Variants in RABGGTA observed in about 807,000 individuals in gnomAD.
RABGGTA encodes geranylgeranyl transferase type-2 subunit alpha.
RABGGTA carries 69 observed loss-of-function variants against 83.3 expected under a neutral mutation model. That is an observed-to-expected ratio of 0.83 (90% CI 0.68 to 1.01). RABGGTA has a LOEUF of 1.01. Among genes scored for constraint, RABGGTA ranks in the 50% least tolerant of loss-of-function variants. The probability of loss-of-function intolerance (pLI) is 0.00; values close to 1 mark genes in which losing one functional copy is unlikely to be tolerated. For synonymous variants in RABGGTA, 310 were observed against 299.8 expected, an observed-to-expected ratio of 1.03 and a Z score of -0.35; for missense variants, 681 against 712.7, an observed-to-expected ratio of 0.96 and a Z score of 0.51.
chr14:24,271,269 T>A lies in RABGGTA; in HGVS notation c.-54-100A>T, dbSNP rs955395110. On this transcript the variant is annotated intron_variant, in intron 1 of 16. Coordinates refer to ENST00000216840, the MANE Select transcript of RABGGTA (RefSeq NM_182836.3). ...CGTGCCTGGGCAGAGACCCCCAGAGTGTAAAGAGGTCCTGGGACAGGCTTT... is the reference window on the plus strand; with the variant it reads ...CGTGCCTGGGCAGAGACCCCCAGAGAGTAAAGAGGTCCTGGGACAGGCTTT... 2.2e-5 allele frequency: 21 copies of A among 975,654 alleles called. No individual in the cohort carries two copies. In the African/African-American group the frequency reaches 2.8e-4, roughly 13 times the overall value. The allele number at this position is 975,654 out of a possible 1,614,324, so 60.4% of individuals were successfully genotyped here. A position where few individuals can be genotyped will look rare whatever the true frequency, so the allele number is the denominator to read the frequency against.
At chr14:24,271,263 CCA>C (rs2040947003) in intron 1 of RABGGTA, 94 bp from the exon 2 acceptor site, 1 of 1,083,366 alleles carries the variant, frequency 9.2e-7, no homozygotes, top group African/African-American at 1.6e-5. Flanking sequence ...GCAGAGACCC[CCA>C]GAGTGTAAAG....
At position 24,270,508 on chromosome 14, in the gene RABGGTA, G is replaced by A. The variant is rs1282649207; in HGVS notation, c.115-50C>T. 7 of 1,606,288 alleles carry A rather than the reference G, an allele frequency of 4.4e-6. No homozygotes were observed. In the South Asian group the frequency reaches 7.7e-5, roughly 18 times the overall value. ...GAGATCATATAATTTTCCCACTACA[G>A]GACTAAATAACGTAAACTTAAAACC... On this transcript the variant is annotated intron_variant, in intron 3 of 16. Coordinates refer to ENST00000216840, the MANE Select transcript of RABGGTA (RefSeq NM_182836.3).
rs571818677 is a variant in RABGGTA at position 24,270,245 on chromosome 14, T to G, written c.239+89A>C. The G allele has an allele frequency of 8.9e-6, 14 of 1,570,172 alleles. No homozygotes were observed. The African/African-American group carries it at 1.9e-4, about 21-fold the overall frequency. The stretch of plus-strand genomic sequence containing the variant: ...CCCTACTATCCTCCATCTATGCCAC[T>G]GGCTGCCCCATTTCTCCTCCACCCC... On this transcript the variant is annotated intron_variant, in intron 4 of 16. Transcript: ENST00000216840.
Position 24,268,424 on chromosome 14 carries a change from G to A in RABGGTA, c.1007-4C>T, listed in dbSNP as rs1191462464. 6.2e-7 allele frequency: 1 copy of A among 1,613,780 alleles called. No individual in the cohort carries two copies. Among genetic ancestry groups the A allele is most frequent in the Non-Finnish European group, 8.5e-7 (1 of 1,179,900 alleles). ...CGGCACCAGCCCTCCTGGCGGCCTG[G>A]GGAAAGAGTAGGTGGTTGGAGGGTG... On this transcript the variant is annotated splice_region_variant and splice_polypyrimidine_tract_variant and intron_variant, in intron 10 of 16. Coordinates refer to ENST00000216840, the MANE Select transcript of RABGGTA (RefSeq NM_182836.3).
In RABGGTA at chr14:24,267,756, T is replaced by A; in HGVS notation, c.1257A>T (p.Ala419=). 1 of 1,612,358 alleles carries A rather than the reference T, an allele frequency of 6.2e-7. No individual in the cohort carries two copies. The highest frequency in any genetic ancestry group is 8.5e-7 in the Non-Finnish European group (1 of 1,179,798). The change falls in exon 14 of 17, where the codon GCA becomes GCT. Residue 419 remains alanine, a synonymous_variant. Transcript: ENST00000216840. Reference sequence around the variant, plus strand: ...TGCTGCGCAGGTCATCCAGATACGTTGCCCGCATGGGGTCCACGGCCTGGA... The same window carrying A: ...TGCTGCGCAGGTCATCCAGATACGTAGCCCGCATGGGGTCCACGGCCTGGA... The part of the protein sequence containing the change: ...QTLKAVDPMR[A]TYLDDLRSKF...
intron 3 of RABGGTA, 73 bp from the exon 4 acceptor site, chr14:24,270,531 A>G: frequency 6.4e-7 from 1 of 1,562,128 alleles, no homozygotes; most frequent in Non-Finnish European, 8.8e-7. Flanking sequence ...TAAACTTAAA[A>G]CCATCCAATA....
At position 24,270,152 on chromosome 14, in the gene RABGGTA, A is replaced by T; in HGVS notation, c.240-12T>A. On this transcript the variant is annotated splice_polypyrimidine_tract_variant and intron_variant, in intron 4 of 16. Transcript: ENST00000216840. ...ACTCTTCAGGAGACCTGTACCCAGAAGGGAAGGGGGGGGTCAGGGCTCTCC... is the reference window on the plus strand; with the variant it reads ...ACTCTTCAGGAGACCTGTACCCAGATGGGAAGGGGGGGGTCAGGGCTCTCC... The T allele has an allele frequency of 6.3e-7, 1 of 1,595,132 alleles. No homozygotes were observed. The highest frequency in any genetic ancestry group is 1.8e-5 in the Admixed American group (1 of 55,976).
At position 24,270,372 on chromosome 14, in the gene RABGGTA, G is replaced by A; in HGVS notation, c.201C>T (p.Asn67=). The A allele has an allele frequency of 1.2e-6, 2 of 1,614,018 alleles. No homozygotes were observed. The highest frequency in any genetic ancestry group is 1.7e-6 in the Non-Finnish European group (2 of 1,179,876). Residue 67 remains asparagine, a synonymous_variant, in exon 4 of 17, where the codon AAC becomes AAT. Coordinates refer to ENST00000216840, the MANE Select transcript of RABGGTA (RefSeq NM_182836.3). ...GANPDFATLW[N]CRREVLQQLE... is the part of the protein sequence containing the mutation. ...GCTGCTGGAGCACCTCTCGTCGGCAGTTCCAGAGGGTGGCAAAATCAGGGT... is the reference window on the plus strand; with the variant it reads ...GCTGCTGGAGCACCTCTCGTCGGCAATTCCAGAGGGTGGCAAAATCAGGGT...
chr14:24,268,930 G>C lies in RABGGTA; in HGVS notation c.779C>G (p.Ser260Cys), dbSNP rs368124688. The C allele has an allele frequency of 3.2e-6, 5 of 1,586,682 alleles. No homozygotes were observed. The highest frequency in any genetic ancestry group is 1.2e-5 in the South Asian group (1 of 86,928). ...VSRDEACLTV[S>C]FSRPLLVGSR... ...ACTCACTAAGAGGGGCCGAGAGAAGGAGACAGTCAGACAGGCCTCGTCCCG... is the reference window on the plus strand; with the variant it reads ...ACTCACTAAGAGGGGCCGAGAGAAGCAGACAGTCAGACAGGCCTCGTCCCG... The change falls in exon 8 of 17, where the codon TCC becomes TGC. Residue 260 changes from serine (S) to cysteine (C), a missense_variant. Ser to Cys is a moderately radical substitution (Grantham distance 112). This residue lies in a region of RABGGTA where 421 missense variants were observed against 418.5 expected (regional missense o/e 1.01). Coordinates refer to ENST00000216840, the MANE Select transcript of RABGGTA (RefSeq NM_182836.3).
intron 6 of RABGGTA, 55 bp downstream of exon 6, chr14:24,269,436 G>C: frequency 6.6e-7 from 1 of 1,513,006 alleles, no homozygotes; most frequent in Non-Finnish European, 9.2e-7. Flanking sequence ...GTCAGGCATG[G>C]GGGCTGGAAG....
chr14:24,270,798 G>C (rs1367809022), intron 3 of RABGGTA, 39 bp downstream of exon 3: 2 of 1,598,712 alleles, frequency 1.3e-6, no homozygotes, highest in Admixed American at 3.5e-5. Context: ...CTATACTAAG[G>C]GAGCTACTTG....
chr14:24,268,686 C>A (rs773717077), intron 9 of RABGGTA, 39 bp downstream of exon 9: 2 of 1,606,174 alleles, frequency 1.2e-6, no homozygotes, highest in Admixed American at 3.4e-5. Context: ...CCCAGCCCTG[C>A]CCCAGACCCC....
intron 15 of RABGGTA, 30 bp from the exon 16 acceptor site, chr14:24,266,547 C>A (rs774562280): frequency 6.3e-7 from 1 of 1,598,354 alleles, no homozygotes; most frequent in Non-Finnish European, 8.6e-7. Flanking sequence ...GGAGGCAGGA[C>A]AGGCGCTGTC....
At chr14:24,270,204 C>A in intron 4 of RABGGTA, 64 bp from the exon 5 acceptor site, 3 of 1,557,060 alleles carry the variant, frequency 1.9e-6, no homozygotes, top group Non-Finnish European at 2.6e-6. Flanking sequence ...TCACCCCTCA[C>A]TTTCTGCACC....
intron 16 of RABGGTA, 101 bp from the exon 17 acceptor site, chr14:24,265,864 A>C (rs2040867285): frequency 1.4e-6 from 2 of 1,454,872 alleles, no homozygotes; most frequent in Non-Finnish European, 1.8e-6. Context: ...AGTCTGTTTG[A>C]TGGGCATCTC....
At chr14:24,270,814 G>C in intron 3 of RABGGTA, 23 bp downstream of exon 3, 2 of 1,609,428 alleles carry the variant, frequency 1.2e-6, no homozygotes, top group East Asian at 2.2e-5. Context: ...ACTTGGGGTC[G>C]GGGCTACCTC....
At chr14:24,268,317 G>A (rs2040899505) in intron 11 of RABGGTA, 52 bp downstream of exon 11, 9 of 1,612,034 alleles carry the variant, frequency 5.6e-6, no homozygotes, top group Non-Finnish European at 6.8e-6. Flanking sequence ...CTGGCTGCCT[G>A]ATGCCCAGAG....
rs1183394928 is a variant in RABGGTA, at chr14:24,268,838, G to A, written c.799-12C>T. On this transcript the variant is annotated splice_polypyrimidine_tract_variant and intron_variant, in intron 8 of 16. Transcript: ENST00000216840. Reference sequence around the variant, plus strand: ...ATCCTGGAGCCCACCTGGCACAAAGGACAAAGACTTCAGCCCCATCAGCAC... The same window carrying A: ...ATCCTGGAGCCCACCTGGCACAAAGAACAAAGACTTCAGCCCCATCAGCAC... 1 of 1,564,492 alleles carries A rather than the reference G, an allele frequency of 6.4e-7. No homozygotes were observed. The highest frequency in any genetic ancestry group is 8.7e-7 in the Non-Finnish European group (1 of 1,154,492).
At position 24,269,661 on chromosome 14, in the gene RABGGTA, G is replaced by A. The variant is rs747841304; in HGVS notation, c.461C>T (p.Thr154Ile). The A allele has an allele frequency of 6.2e-7, 1 of 1,613,668 alleles. No individual in the cohort carries two copies. Among genetic ancestry groups the A allele is most frequent in the Non-Finnish European group, 8.5e-7 (1 of 1,179,766 alleles). ...TTCTGCAGGGGGCACGGCTGCCTGTGTGGCCACAAACCGCCGATAGTCCCA... is the reference window on the plus strand; with the variant it reads ...TTCTGCAGGGGGCACGGCTGCCTGTATGGCCACAAACCGCCGATAGTCCCA... ...HCWDYRRFVA[T>I]QAAVPPAEEL... Residue 154 changes from threonine (T) to isoleucine (I), a missense_variant, in exon 6 of 17, where the codon ACA becomes ATA. Physicochemically the swap from Thr to Ile is moderately conservative, Grantham distance 89 (BLOSUM62 -1). This residue lies in a region of RABGGTA where 122 missense variants were observed against 118.9 expected (regional missense o/e 1.03). Coordinates refer to ENST00000216840, the MANE Select transcript of RABGGTA (RefSeq NM_182836.3).
Sources: gnomAD v4.1 joint callset for allele counts on GRCh38, gnomAD v4.1.1 for gene constraint, gnomAD v4.1.1 regional missense constraint, MANE v1.5 for transcripts, NCBI Gene and HGNC (gene_info 2026-07-23, HGNC 2026-07-21) for gene names.